Variants in RTN4 observed in about 807,000 individuals in gnomAD.
The protein encoded by RTN4 is reticulon 4.
In RTN4, 32 loss-of-function variants were observed where a neutral mutation model predicts 90.4. The ratio of observed to expected loss-of-function variants is 0.35; its 90% CI spans 0.27 to 0.48. The LOEUF is 0.48. Ranked by LOEUF, RTN4 falls within the 20% of genes least tolerant of loss-of-function variation. The pLI is 0.99. For missense variants in RTN4, 1,706 were observed against 1,430.2 expected (o/e 1.19, Z -3.11); for synonymous variants, 629 against 552.5 (o/e 1.14, Z -1.94).
At chr2:55,108,192 T>G (rs1164989791) in intron 1 of RTN4, among the ~76,000 whole-genome samples, 3 of 152,080 alleles carry the variant, frequency 2.0e-5, no homozygotes, top group African/African-American at 7.3e-5. Flanking sequence ...TGACTTCAGG[T>G]GATCCACCTG....
At chr2:55,052,641 A>T (rs987749911), upstream of RTN4, among the ~76,000 whole-genome samples, 1 of 152,222 alleles carries the variant, frequency 6.6e-6, no homozygotes, top group African/African-American at 2.4e-5. Flanking sequence ...TAAACAAAAC[A>T]AATTTCTACA....
At chr2:55,047,047 C>A (rs150805224) in intron 1 of RTN4, among the ~76,000 whole-genome samples, 1 of 152,296 alleles carries the variant, frequency 6.6e-6, no homozygotes, top group Non-Finnish European at 1.5e-5. Context: ...CTTCCTGTGG[C>A]CAGGCGCAGT....
At chr2:54,973,990 A>AACAT (rs1477794066) in intron 6 of RTN4, 123 bp from the exon 7 acceptor site, 2 of 794,552 alleles carry the variant, frequency 2.5e-6, no homozygotes, top group African/African-American at 1.7e-5. Flanking sequence ...AATGAATAAA[A>AACAT]ACATAAGGAT....
At position 55,026,797 on chromosome 2, in the gene RTN4, G is replaced by T. The variant is rs149825421; in HGVS notation, c.1302C>A (p.His434Gln). Residue 434 changes from histidine (H) to glutamine (Q), a missense_variant, in exon 3 of 9, where the codon CAC becomes CAA. His to Gln is a conservative substitution (Grantham distance 24). Transcript: ENST00000337526. ...CFADSLEQTNHEKDSESSNDD... is the reference protein window; with the variant it reads ...CFADSLEQTNQEKDSESSNDD... ...CATTACTACTCTCACTATCTTTTTC[G>T]TGATTAGTTTGCTCAAGGCTATCTG... 2.8e-5 allele frequency: 45 copies of T among 1,613,684 alleles called. No individual in the cohort carries two copies. The highest frequency in any genetic ancestry group is 3.3e-5 in the Non-Finnish European group (39 of 1,179,884).
intron 5 of RTN4, among the ~76,000 whole-genome samples, chr2:54,978,955 G>C (rs1677892147): frequency 6.6e-6 from 1 of 152,010 alleles, no homozygotes; most frequent in Non-Finnish European, 1.5e-5. Context: ...GCTTGCTTTA[G>C]GGTGACAGAA....
At chr2:54,983,720 C>T (rs2588515) in intron 4 of RTN4, among the ~76,000 whole-genome samples, 130,004 of 152,218 alleles carry the variant, frequency 0.85, 55,961 homozygotes, top group African/African-American at 0.97. Flanking sequence ...AAATCCATTC[C>T]GTCAGCCAAT....
At chr2:55,004,044 C>T (rs1680034332) in intron 3 of RTN4, among the ~76,000 whole-genome samples, 3 of 152,118 alleles carry the variant, frequency 2.0e-5, no homozygotes, top group Admixed American at 6.6e-5. Context: ...CTGCCTACAT[C>T]CCAGCATGTA....
chr2:55,002,656 A>C (rs1679931131), intron 3 of RTN4, among the ~76,000 whole-genome samples: 1 of 152,156 alleles, frequency 6.6e-6, no homozygotes, highest in African/African-American at 2.4e-5. Flanking sequence ...GTTTTCCTAA[A>C]CCATGATAAT....
intron 1 of RTN4, among the ~76,000 whole-genome samples, chr2:55,043,005 A>AT (rs374811654): frequency 2.8e-4 from 42 of 152,338 alleles, no homozygotes; most frequent in African/African-American, 1.0e-3. Context: ...TCCAAGAAAC[A>AT]TAAATATCAA....
chr2:54,972,428 A>C lies in RTN4; in HGVS notation c.*728T>G, dbSNP rs1209997222. On this transcript the variant is annotated 3_prime_UTR_variant, in exon 9 of 9. Coordinates refer to ENST00000337526, the MANE Select transcript of RTN4 (RefSeq NM_020532.5). ...GTCTGTGCAATGAAATTGATGTTGGAGTTCTATGTGTGTGGCATTTCATGT... is the reference window on the plus strand; with the variant it reads ...GTCTGTGCAATGAAATTGATGTTGGCGTTCTATGTGTGTGGCATTTCATGT... The C allele has an allele frequency of 6.9e-6, 1 of 145,246 alleles. No homozygotes were observed. Among genetic ancestry groups the C allele is most frequent in the East Asian group, 2.2e-4 (1 of 4,600 alleles). The allele number at this position is 145,246 out of a possible 1,614,324, so 9.0% of individuals were successfully genotyped here. A position where few individuals can be genotyped will look rare whatever the true frequency, so the allele number is the denominator to read the frequency against.
intron 2 of RTN4, among the ~76,000 whole-genome samples, chr2:55,065,208 A>G (rs184050087): frequency 6.6e-6 from 1 of 152,336 alleles, no homozygotes; most frequent in East Asian, 1.9e-4. Flanking sequence ...GCTTACATAA[A>G]TAGCATTTTA....
chr2:55,037,380 A>G (rs1682764765), intron 1 of RTN4, among the ~76,000 whole-genome samples: 1 of 152,232 alleles, frequency 6.6e-6, no homozygotes, highest in African/African-American at 2.4e-5. Flanking sequence ...ACAGCCTTGG[A>G]AAACAGGGAC....
chr2:55,015,880 G>C (rs1405253807), intron 3 of RTN4, among the ~76,000 whole-genome samples: 25 of 152,184 alleles, frequency 1.6e-4, no homozygotes, highest in Non-Finnish European at 1.5e-5. Flanking sequence ...TGAAAGTAGA[G>C]AAATGGGTGT....
chr2:55,073,477 C>A (rs1668549082), intron 2 of RTN4, among the ~76,000 whole-genome samples: 1 of 152,150 alleles, frequency 6.6e-6, no homozygotes, highest in Non-Finnish European at 1.5e-5. Flanking sequence ...AGGAGGAGAA[C>A]AGAGAATTTG....
At chr2:55,031,059 C>T (rs76797915) in intron 1 of RTN4, among the ~76,000 whole-genome samples, 8,725 of 152,174 alleles carry the variant, frequency 0.057, 783 homozygotes, top group African/African-American at 0.19. Flanking sequence ...ATTTCACATA[C>T]GAGAAAAGAG....
intron 1 of RTN4, among the ~76,000 whole-genome samples, chr2:55,041,372 C>T (rs1573457265): frequency 6.6e-6 from 1 of 151,854 alleles, no homozygotes; most frequent in Admixed American, 6.6e-5. Flanking sequence ...AAAACTCCAA[C>T]AGAGGGAGAG....
chr2:54,976,621 C>T (rs1000818107), intron 5 of RTN4, among the ~76,000 whole-genome samples: 1 of 152,116 alleles, frequency 6.6e-6, no homozygotes, highest in African/African-American at 2.4e-5. Context: ...ACTTCGGCGG[C>T]CCAAAACAGA....
chr2:54,975,750 C>G (rs1010502831), intron 5 of RTN4, among the ~76,000 whole-genome samples: 25 of 152,184 alleles, frequency 1.6e-4, no homozygotes, highest in African/African-American at 5.3e-4. Flanking sequence ...ATTAAGCAGT[C>G]AAACATTAGT....
intron 3 of RTN4, among the ~76,000 whole-genome samples, chr2:55,009,465 G>C (rs1680474669): frequency 6.6e-6 from 1 of 152,072 alleles, no homozygotes; most frequent in Non-Finnish European, 1.5e-5. Context: ...GGGAGGAAAA[G>C]GGATCAAAAT....
Sources: gnomAD v4.1 joint callset for allele counts (sites outside exome capture counted in the v4.1 genomes callset) on GRCh38, gnomAD v4.1.1 for gene constraint, MANE v1.5 for transcripts, NCBI Gene and HGNC (gene_info 2026-07-23, HGNC 2026-07-21) for gene names.